LOC128092252: variants seen among roughly 807,000 people sequenced by gnomAD.
the LOC128092252 span, among the ~76,000 whole-genome samples, chr15:50,684,933 C>T: frequency 6.6e-6 from 1 of 152,120 alleles, no homozygotes; most frequent in East Asian, 1.9e-4. Context: ...TTTAATGATA[C>T]TAAGCAATTA....
At chr15:50,674,127 A>G in the LOC128092252 span, among the ~76,000 whole-genome samples, 6 of 152,210 alleles carry the variant, frequency 3.9e-5, no homozygotes, top group East Asian at 1.2e-3. Flanking sequence ...TAGCTGAGAT[A>G]ACAGGTACCT....
chr15:50,680,446 G>A, the LOC128092252 span, among the ~76,000 whole-genome samples: 1 of 151,742 alleles, frequency 6.6e-6, no homozygotes, highest in African/African-American at 2.4e-5. Context: ...GGCGCAACCT[G>A]TAACCTCAGC....
chr15:50,660,473 T>C, the LOC128092252 span, among the ~76,000 whole-genome samples: 11,459 of 152,138 alleles, frequency 0.075, 557 homozygotes, highest in South Asian at 0.12. Context: ...ACCAACATGG[T>C]GAAACCCCTG....
the LOC128092252 span, among the ~76,000 whole-genome samples, chr15:50,677,503 G>A: frequency 6.6e-6 from 1 of 151,940 alleles, no homozygotes; most frequent in East Asian, 1.9e-4. Flanking sequence ...CACTTTGGGA[G>A]GCCAAGGCAG....
At chr15:50,674,543 A>G in the LOC128092252 span, among the ~76,000 whole-genome samples, 3 of 152,130 alleles carry the variant, frequency 2.0e-5, no homozygotes, top group East Asian at 5.8e-4. Context: ...TTGTCTTTTA[A>G]CCTTCATACT....
chr15:50,652,040 A>G, the LOC128092252 span, among the ~76,000 whole-genome samples: 1 of 151,992 alleles, frequency 6.6e-6, no homozygotes, highest in Non-Finnish European at 1.5e-5. Context: ...TATGATAAAG[A>G]AAACAGAATG....
the LOC128092252 span, among the ~76,000 whole-genome samples, chr15:50,679,472 A>G: frequency 1.2e-5 from 1 of 84,188 alleles, no homozygotes; most frequent in East Asian, 3.2e-4. Context: ...GTTTTATTTC[A>G]TTTATATATA....
chr15:50,651,883 T>G, the LOC128092252 span, among the ~76,000 whole-genome samples: 1 of 151,392 alleles, frequency 6.6e-6, no homozygotes, highest in African/African-American at 2.4e-5. Flanking sequence ...CAAGATTCCT[T>G]CTCAAAATAA....
chr15:50,658,432 T>C, the LOC128092252 span, among the ~76,000 whole-genome samples: 6 of 151,156 alleles, frequency 4.0e-5, no homozygotes, highest in East Asian at 1.2e-3. Context: ...TAGCTAGGGG[T>C]AGTGGTGCAG....
chr15:50,656,497 T>C, the LOC128092252 span, among the ~76,000 whole-genome samples: 6 of 147,708 alleles, frequency 4.1e-5, no homozygotes, highest in African/African-American at 1.5e-4. Flanking sequence ...GTGTGTGGTT[T>C]TCTTTTTTTT....
the LOC128092252 span, among the ~76,000 whole-genome samples, chr15:50,651,751 G>A: frequency 1.4e-4 from 22 of 152,044 alleles, no homozygotes; most frequent in Admixed American, 3.9e-4. Flanking sequence ...TAAGCTGGGC[G>A]TCGTGGCAGT....
At chr15:50,669,854 C>T in the LOC128092252 span, among the ~76,000 whole-genome samples, 13 of 152,062 alleles carry the variant, frequency 8.5e-5, no homozygotes, top group Admixed American at 2.0e-4. Context: ...ATACAATCAG[C>T]GATCCCTTAT....
the LOC128092252 span, among the ~76,000 whole-genome samples, chr15:50,658,785 G>A: frequency 2.6e-5 from 4 of 152,306 alleles, no homozygotes; most frequent in Admixed American, 6.5e-5. Context: ...GTACAAGGTC[G>A]TTGACTGCAG....
chr15:50,672,981 T>C, the LOC128092252 span, among the ~76,000 whole-genome samples: 1 of 151,698 alleles, frequency 6.6e-6, no homozygotes, highest in African/African-American at 2.4e-5. Flanking sequence ...CAATGTGTTT[T>C]ATACGAAGTG....
the LOC128092252 span, among the ~76,000 whole-genome samples, chr15:50,655,063 T>A: frequency 1.1e-5 from 1 of 90,312 alleles, no homozygotes; most frequent in African/African-American, 3.9e-5. Flanking sequence ...ATGGAGAATG[T>A]AGAAATAAGA....
chr15:50,657,905 A>C, the LOC128092252 span: 1 of 1,009,754 alleles, frequency 9.9e-7, no homozygotes, highest in South Asian at 1.6e-5. Context: ...AATACAAAAC[A>C]AAAAAAATTA....
chr15:50,681,264 T>TACACACACACACACACACACACAC, the LOC128092252 span, among the ~76,000 whole-genome samples: 467 of 146,998 alleles, frequency 3.2e-3, 4 homozygotes, highest in African/African-American at 9.4e-3. Context: ...AATAAATAAA[T>TACACACACACACACACACACACAC]ACACACACAC....
chr15:50,678,246 A>AC, the LOC128092252 span, among the ~76,000 whole-genome samples: 6 of 142,504 alleles, frequency 4.2e-5, no homozygotes, highest in African/African-American at 7.7e-5. Context: ...TCTCAAAAAA[A>AC]AAAAACAAAA....
chr15:50,678,067 G>A, the LOC128092252 span, among the ~76,000 whole-genome samples: 2 of 148,472 alleles, frequency 1.3e-5, no homozygotes, highest in East Asian at 2.0e-4. Flanking sequence ...GTGAAACCAC[G>A]TCTCTACTAA....
Sources: allele counts gnomAD v4.1 joint callset (sites outside exome capture counted in the v4.1 genomes callset), GRCh38; gene constraint gnomAD v4.1.1; transcripts MANE v1.5.